CCDC38: variants seen among roughly 807,000 people sequenced by gnomAD.
CCDC38 encodes coiled-coil domain-containing protein 38.
Under a neutral mutation model 72.8 loss-of-function variants are expected in CCDC38, and 69 were observed. The observed-to-expected ratio is 0.95, with a 90% CI of 0.78 to 1.16. The LOEUF (loss-of-function observed/expected upper bound fraction) is 1.16. Among genes scored for constraint, CCDC38 ranks in the 50% most tolerant of loss-of-function variants. The pLI is 0.00. For synonymous variants in CCDC38, 201 were observed against 213.2 expected (o/e 0.94, Z 0.50); for missense variants, 626 against 638.9 (o/e 0.98, Z 0.22).
chr12:95,875,549 A>G (rs893285071), intron 13 of CCDC38, among the ~76,000 whole-genome samples: 2 of 152,192 alleles, frequency 1.3e-5, no homozygotes, highest in Admixed American at 1.3e-4. Flanking sequence ...ACGCTGGAAA[A>G]GAATCTTTTA....
intron 10 of CCDC38, among the ~76,000 whole-genome samples, chr12:95,883,536 C>T (rs896713115): frequency 8.5e-5 from 13 of 152,220 alleles, no homozygotes; most frequent in African/African-American, 3.1e-4. Flanking sequence ...CTTATAGACT[C>T]AGCTTAGAGG....
chr12:95,869,823 T>A (rs1379659057), intron 14 of CCDC38: 1 of 38,898 alleles, frequency 2.6e-5, no homozygotes. Context: ...CTTGGTCTAT[T>A]TTTTTTTTTT....
chr12:95,898,298 G>T, intron 7 of CCDC38, 87 bp downstream of exon 7: 1 of 1,233,224 alleles, frequency 8.1e-7, no homozygotes, highest in Non-Finnish European at 1.2e-6. Flanking sequence ...TGATAAGGAT[G>T]ATCAGGATTA....
intron 2 of CCDC38, among the ~76,000 whole-genome samples, chr12:95,928,594 C>A (rs1415009019): frequency 6.6e-6 from 1 of 152,190 alleles, no homozygotes; most frequent in African/African-American, 2.4e-5. Context: ...AACTGCGTTC[C>A]TTTGGAGGAG....
At chr12:95,884,225 A>G (rs192120629) in intron 10 of CCDC38, among the ~76,000 whole-genome samples, 16 of 152,398 alleles carry the variant, frequency 1.0e-4, no homozygotes, top group African/African-American at 3.4e-4. Context: ...TCTTGAACTA[A>G]TAAGTGAGTT....
chr12:95,938,518 TG>T (rs1397555046), intron 1 of CCDC38, among the ~76,000 whole-genome samples: 1 of 152,218 alleles, frequency 6.6e-6, no homozygotes, highest in Non-Finnish European at 1.5e-5. Context: ...ACAGAAAAAC[TG>T]GAAGTTCTGT....
chr12:95,895,173 T>A, intron 7 of CCDC38, 27 bp from the exon 8 acceptor site: 1 of 1,560,446 alleles, frequency 6.4e-7, no homozygotes, highest in Non-Finnish European at 8.7e-7. Context: ...AAGATATGAT[T>A]AGGTATATCA....
intron 2 of CCDC38, among the ~76,000 whole-genome samples, chr12:95,930,915 C>A (rs1038836274): frequency 6.6e-6 from 1 of 152,110 alleles, no homozygotes; most frequent in Non-Finnish European, 1.5e-5. Context: ...AGATCTCTTC[C>A]TTTTGTTACT....
chr12:95,918,351 T>C (rs571474227), intron 3 of CCDC38, among the ~76,000 whole-genome samples: 1 of 152,328 alleles, frequency 6.6e-6, no homozygotes, highest in African/African-American at 2.4e-5. Context: ...CCATATCTGA[T>C]TCTTGAAGAC....
rs1454028516 is a variant in CCDC38, at chr12:95,895,136, T to C, written c.625A>G (p.Lys209Glu). The C allele has an allele frequency of 7.5e-6, 12 of 1,605,470 alleles. No individual in the cohort carries two copies. The highest frequency in any genetic ancestry group is 1.0e-5 in the Non-Finnish European group (12 of 1,177,442). ...TACTCCCTGAGGAGGAATTCTGTTT[T>C]TGCTATTTCACTACTCAAAAGAAAC... Reference protein sequence around the residue: ...EVQAVKSEIAKTEFLLREYMK... With the variant: ...EVQAVKSEIAETEFLLREYMK... The change falls in exon 8 of 16, where the codon AAA becomes GAA. Residue 209 changes from lysine to glutamate, a missense_variant. Lys to Glu is a moderately conservative substitution (Grantham distance 56, BLOSUM62 1). Coordinates refer to ENST00000344280, the MANE Select transcript of CCDC38 (RefSeq NM_182496.3).
At chr12:95,932,778 T>C (rs2080351756) in intron 2 of CCDC38, among the ~76,000 whole-genome samples, 2 of 152,116 alleles carry the variant, frequency 1.3e-5, no homozygotes, top group Non-Finnish European at 2.9e-5. Flanking sequence ...GATAAGTAAA[T>C]TCTAAAATTA....
At chr12:95,883,037 G>A (rs1250363826) in intron 10 of CCDC38, among the ~76,000 whole-genome samples, 1 of 152,102 alleles carries the variant, frequency 6.6e-6, no homozygotes, top group Non-Finnish European at 1.5e-5. Flanking sequence ...CTCTTTTCCC[G>A]ACACTTCCCT....
In CCDC38 at chr12:95,898,249, T is replaced by A. The variant is rs1242655153; in HGVS notation, c.614+136A>T. The A allele has an allele frequency of 2.1e-5, 18 of 863,946 alleles. No homozygotes were observed. In the East Asian group the frequency reaches 4.1e-4, roughly 20 times the overall value. 53.5% of individuals were successfully genotyped at this position (863,946 alleles called of 1,614,324 possible). ...AACAAATCTTGATGGACAGGTTACT[T>A]ATTTTTTAAAATTCGTTCATACTTA... On this transcript the variant is annotated intron_variant, in intron 7 of 15. Coordinates refer to ENST00000344280, the MANE Select transcript of CCDC38 (RefSeq NM_182496.3).
chr12:95,895,365 G>T (rs2079875256), intron 7 of CCDC38, among the ~76,000 whole-genome samples: 1 of 152,114 alleles, frequency 6.6e-6, no homozygotes, highest in Admixed American at 6.5e-5. Context: ...CCAAGGATAT[G>T]CACACATAGA....
At chr12:95,889,673 AGAAAAG>A (rs2079801505) in intron 9 of CCDC38, among the ~76,000 whole-genome samples, 1 of 152,102 alleles carries the variant, frequency 6.6e-6, no homozygotes, top group African/African-American at 2.4e-5. Flanking sequence ...AGGATACAGG[AGAAAAG>A]GAGTCCCCAG....
chr12:95,903,313 G>A, intron 5 of CCDC38: 1 of 596,866 alleles, frequency 1.7e-6, no homozygotes, highest in Non-Finnish European at 3.0e-6. Flanking sequence ...TTTCTGCAGA[G>A]AGGATCGTGT....
Position 95,881,468 on chromosome 12 carries a change from A to C in CCDC38, c.990+17T>G. 1 of 1,588,716 alleles carries C rather than the reference A, an allele frequency of 6.3e-7. No homozygotes were observed. Among genetic ancestry groups the C allele is most frequent in the Non-Finnish European group, 8.6e-7 (1 of 1,162,488 alleles). ...CACCAAACCCAATATTTAAACTAGC[A>C]AATATAATCTGGTTACCAAATCAAC... On this transcript the variant is annotated intron_variant, in intron 11 of 15. Coordinates refer to ENST00000344280, the MANE Select transcript of CCDC38 (RefSeq NM_182496.3).
rs761178608 is a variant in CCDC38 at position 95,869,533 on chromosome 12, G to C, written c.1525C>G (p.Gln509Glu). The C allele has an allele frequency of 1.9e-6, 3 of 1,613,314 alleles. No homozygotes were observed. The African/African-American group carries it at 4.0e-5, about 22-fold the overall frequency. Reference sequence around the variant, plus strand: ...TCCAGAGCAGCTTTTAGCCTTTCCTGTTGGTGTCTTTGTTTTTCTTTCATT... The same window carrying C: ...TCCAGAGCAGCTTTTAGCCTTTCCTCTTGGTGTCTTTGTTTTTCTTTCATT... ...EKMKEKQRHQ[Q>E]ERLKAALEKA... The change falls in exon 15 of 16, where the codon CAG becomes GAG. Residue 509 changes from glutamine to glutamate, a missense_variant. Transcript: ENST00000344280.
chr12:95,914,635 C>T lies in CCDC38; in HGVS notation c.304+2494G>A, dbSNP rs372242145. On this transcript the variant is annotated intron_variant, in intron 4 of 15. Coordinates refer to ENST00000344280, the MANE Select transcript of CCDC38 (RefSeq NM_182496.3). ...AACAAAATGAACTATTCCTTAGTGT[C>T]GTTTTACACACAGTCTGCATTCAAA... Among the ~76,000 whole-genome samples, 18 of 152,278 alleles carry T rather than the reference C, an allele frequency of 1.2e-4. No individual in the cohort carries two copies. The South Asian group carries it at 3.1e-3, about 26-fold the overall frequency.
Sources: allele counts gnomAD v4.1 joint callset (sites outside exome capture counted in the v4.1 genomes callset), GRCh38; gene constraint gnomAD v4.1.1; transcripts MANE v1.5; gene names NCBI Gene and HGNC (gene_info 2026-07-23, HGNC 2026-07-21).